The following ZNF529 variants were observed in gnomAD, a reference collection of about 807,000 sequenced individuals.
The protein encoded by ZNF529 is zinc finger protein 529.
ZNF529 carries 11 observed loss-of-function variants against 10.1 expected under a neutral mutation model. That is an observed-to-expected ratio of 1.09 (90% confidence interval 0.69 to 1.81). The LOEUF (loss-of-function observed/expected upper bound fraction) is 1.81. Among genes scored for constraint, ZNF529 ranks in the 40% most tolerant of loss-of-function variants. The pLI, the probability that ZNF529 is intolerant of heterozygous loss-of-function variation, is 0.00. For missense variants in ZNF529, 624 were observed against 666.8 expected (o/e 0.94, Z 0.71); for synonymous variants, 204 against 215.7 (o/e 0.95, Z 0.47).
Position 36,557,330 on chromosome 19 carries a change from A to G in ZNF529, c.15-1133T>C, listed in dbSNP as rs183415573. 2.6e-4 allele frequency among the ~76,000 whole-genome samples: 39 copies of G among 152,316 alleles called. 1 individual carries two copies. The East Asian group carries it at 5.6e-3, about 22-fold the overall frequency. On this transcript the variant is annotated intron_variant, in intron 2 of 4. Transcript: ENST00000591340. The stretch of plus-strand genomic sequence containing the variant: ...CCAGAGAGTCCATTCTCATGCTGCT[A>G]TAAGGATATACCCAAGACTAGGTAA...
At chr19:36,582,044 T>C (rs2036474982) in intron 2 of ZNF529, 1 of 152,202 alleles carries the variant, frequency 6.6e-6, no homozygotes, top group Admixed American at 6.5e-5. Context: ...TCATATGAAG[T>C]ATCTAGAGTA....
intron 4 of ZNF529, among the ~76,000 whole-genome samples, chr19:36,551,216 G>A (rs896863158): frequency 6.6e-6 from 1 of 152,162 alleles, no homozygotes; most frequent in African/African-American, 2.4e-5. Flanking sequence ...AAAAGTTTAT[G>A]TACTGAAACA....
upstream of ZNF529, among the ~76,000 whole-genome samples, chr19:36,574,300 A>G (rs1379260873): frequency 6.6e-6 from 1 of 152,188 alleles, no homozygotes; most frequent in Non-Finnish European, 1.5e-5. Context: ...TTGATTGGCA[A>G]TGGGTTGAAA....
upstream of ZNF529, chr19:36,573,445 G>A (rs1344123391): frequency 4.2e-6 from 2 of 470,848 alleles, no homozygotes; most frequent in Non-Finnish European, 8.8e-6. Flanking sequence ...TTCCGGGTGC[G>A]CAGACCCTTG....
rs1283912399 is a variant in ZNF529, at chr19:36,547,786, C to A, written c.772G>T (p.Glu258Ter). 3.1e-6 allele frequency: 5 copies of A among 1,611,476 alleles called. No homozygotes were observed. In the South Asian group the frequency reaches 5.5e-5, roughly 18 times the overall value. Residue 258 changes from glutamate (E) to a stop codon, truncating the protein, a stop_gained, in exon 5 of 5, where the codon GAA (glutamate) becomes TAA (stop). Coordinates refer to ENST00000591340, the MANE Select transcript of ZNF529 (RefSeq NM_020951.5). LOFTEE classifies it low-confidence loss of function (END_TRUNC). ...ACTCTTTCAAAGGTCCTTCTGTATT[C>A]CTTACATTTATAGAACTTCTCATTA... is the stretch of plus-strand genomic sequence containing the variant. Reference protein sequence around the residue: ...IHNEKFYKCKEYRRTFERVGK... With the variant: ...IHNEKFYKCK
At chr19:36,596,152 G>T (rs1309556443) in intron 1 of ZNF529, among the ~76,000 whole-genome samples, 1 of 133,686 alleles carries the variant, frequency 7.5e-6, no homozygotes, top group African/African-American at 2.9e-5. Context: ...TGCAACCTCT[G>T]CCTCCTGGGT....
chr19:36,582,631 C>A (rs1352754289), intron 2 of ZNF529: 2 of 150,644 alleles, frequency 1.3e-5, no homozygotes, highest in Non-Finnish European at 2.9e-5. Flanking sequence ...TGGCCTAAAT[C>A]CGGGAGGAGG....
At chr19:36,577,352 C>T (rs2036349214), upstream of ZNF529, 2 of 323,260 alleles carry the variant, frequency 6.2e-6, no homozygotes, top group Non-Finnish European at 1.2e-5. Flanking sequence ...GTTCTCCCTT[C>T]ACCTTCTGGG....
At chr19:36,552,322 C>T (rs1289973496) in intron 4 of ZNF529, among the ~76,000 whole-genome samples, 1 of 151,952 alleles carries the variant, frequency 6.6e-6, no homozygotes, top group African/African-American at 2.4e-5. Context: ...CCCAGCTACT[C>T]GGGAGGCTGA....
chr19:36,547,573 G>C lies in ZNF529; in HGVS notation c.985C>G (p.Gln329Glu). The C allele has an allele frequency of 6.2e-7, 1 of 1,613,896 alleles. No individual in the cohort carries two copies. ...GGTTTCTCACCAGTATGAATTCTCTGATGTTCGGTAAGCTGTGAATGAAAT... is the reference window on the plus strand; with the variant it reads ...GGTTTCTCACCAGTATGAATTCTCTCATGTTCGGTAAGCTGTGAATGAAAT... ...FRFHSQLTEH[Q>E]RIHTGEKPYK... is the part of the protein sequence containing the mutation. Residue 329 changes from glutamine (Q) to glutamate (E), a missense_variant, in exon 5 of 5, where the codon CAG becomes GAG. Gln to Glu is a conservative substitution (Grantham distance 29). Coordinates refer to ENST00000591340, the MANE Select transcript of ZNF529 (RefSeq NM_020951.5).
At chr19:36,573,962 G>A (rs1397677859), upstream of ZNF529, among the ~76,000 whole-genome samples, 1 of 152,226 alleles carries the variant, frequency 6.6e-6, no homozygotes, top group Non-Finnish European at 1.5e-5. Context: ...AAAGGCCCCA[G>A]ATGGAATCTG....
At chr19:36,591,446 G>T (rs556930334) in intron 1 of ZNF529, among the ~76,000 whole-genome samples, 1 of 152,094 alleles carries the variant, frequency 6.6e-6, no homozygotes, top group Non-Finnish European at 1.5e-5. Flanking sequence ...GAGGCCAGAC[G>T]CAGTGGCTCA....
intron 1 of ZNF529, among the ~76,000 whole-genome samples, chr19:36,591,724 C>A (rs77834244): frequency 1.3e-4 from 19 of 142,762 alleles, no homozygotes; most frequent in South Asian, 2.2e-4. Context: ...AACTCCATCT[C>A]AAAAAAAAAA....
At chr19:36,581,553 A>G (rs1428751349) in intron 2 of ZNF529, 2 of 152,222 alleles carry the variant, frequency 1.3e-5, no homozygotes, top group East Asian at 3.9e-4. Context: ...TCACACGGAC[A>G]TGTGACCCCC....
intron 2 of ZNF529, among the ~76,000 whole-genome samples, chr19:36,584,811 C>G (rs923247049): frequency 2.0e-5 from 3 of 151,542 alleles, no homozygotes; most frequent in African/African-American, 7.3e-5. Flanking sequence ...ATTCTAAGGT[C>G]TTTTTTATTG....
chr19:36,604,073 G>T (rs2036975852), intron 1 of ZNF529, among the ~76,000 whole-genome samples: 1 of 152,098 alleles, frequency 6.6e-6, no homozygotes, highest in Non-Finnish European at 1.5e-5. Context: ...CCAGCTACTC[G>T]GGAGGCTGAG....
chr19:36,558,132 C>A (rs985124395), intron 2 of ZNF529, among the ~76,000 whole-genome samples: 2 of 151,932 alleles, frequency 1.3e-5, no homozygotes, highest in Non-Finnish European at 2.9e-5. Context: ...ATGGTATAAT[C>A]TGATGAACAG....
intron 2 of ZNF529, among the ~76,000 whole-genome samples, chr19:36,586,984 G>A (rs1195786375): frequency 1.3e-5 from 2 of 152,200 alleles, no homozygotes; most frequent in African/African-American, 4.8e-5. Flanking sequence ...CCCATGAGTG[G>A]CTGGGCGTGG....
upstream of ZNF529, among the ~76,000 whole-genome samples, chr19:36,578,291 C>CTTTTT (rs1159725232): frequency 0.014 from 439 of 31,818 alleles, 164 homozygotes; most frequent in Non-Finnish European, 0.019. Context: ...GTCTTGATCT[C>CTTTTT]TTTTTTTTTT....
Sources: allele counts gnomAD v4.1 joint callset (sites outside exome capture counted in the v4.1 genomes callset), GRCh38; gene constraint gnomAD v4.1.1; transcripts MANE v1.5; gene names NCBI Gene and HGNC (gene_info 2026-07-23, HGNC 2026-07-21).